Variants in RBMS1 observed in about 807,000 individuals in gnomAD.
The protein encoded by RBMS1 is RNA-binding motif, single-stranded-interacting protein 1.
Under a neutral mutation model 62.3 loss-of-function variants are expected in RBMS1, and 17 were observed. The observed-to-expected ratio is 0.27, with a 90% CI of 0.19 to 0.41. The LOEUF (loss-of-function observed/expected upper bound fraction) is 0.41. Ranked by LOEUF, RBMS1 falls within the 10% of genes least tolerant of loss-of-function variation. RBMS1 has a pLI of 1.00. For missense variants in RBMS1, 334 were observed against 504.5 expected (o/e 0.66, Z 3.24); for synonymous variants, 172 against 170.0 (o/e 1.01, Z -0.09).
At chr2:160,423,385 G>A (rs1696513662) in intron 1 of RBMS1, among the ~76,000 whole-genome samples, 1 of 147,696 alleles carries the variant, frequency 6.8e-6, no homozygotes, top group South Asian at 2.2e-4. Context: ...GTGGGGGGGA[G>A]GGAAATGATT....
intron 7 of RBMS1, 40 bp downstream of exon 7, chr2:160,286,928 AC>A (rs761318214): frequency 5.2e-5 from 83 of 1,607,526 alleles, no homozygotes; most frequent in Non-Finnish European, 6.1e-5. Context: ...TCAAGATCAC[AC>A]CCCCTCCCCC....
intron 1 of RBMS1, among the ~76,000 whole-genome samples, chr2:160,380,939 T>C (rs531777679): frequency 2.6e-5 from 4 of 152,210 alleles, no homozygotes; most frequent in Non-Finnish European, 5.9e-5. Flanking sequence ...GCAAATTAAA[T>C]GAAGATAAAA....
Position 160,407,539 on chromosome 2 carries a change from G to GGGCGGC in RBMS1, c.76-40154_76-40149dup, listed in dbSNP as rs1037014283. 2.3e-5 allele frequency: 23 copies of GGGCGGC among 985,812 alleles called. No individual in the cohort carries two copies. The South Asian group carries it at 3.6e-4, about 15-fold the overall frequency. 61.1% of individuals were successfully genotyped at this position (985,812 alleles called of 1,614,324 possible). On this transcript the variant is annotated intron_variant, in intron 1 of 13. Transcript: ENST00000348849. The stretch of plus-strand genomic sequence containing the variant: ...TGCTGCTGGGGAAGATCATCGCTGC[G>GGGCGGC]GGCGGCGGCGGCGGGTGCGGGCGCG...
intron 1 of RBMS1, among the ~76,000 whole-genome samples, chr2:160,482,851 G>A (rs921738011): frequency 1.3e-5 from 2 of 152,192 alleles, no homozygotes. Flanking sequence ...GCTCATTAGG[G>A]CTCAGGCACA....
intron 1 of RBMS1, among the ~76,000 whole-genome samples, chr2:160,430,384 A>G (rs566117491): frequency 6.6e-6 from 1 of 152,338 alleles, no homozygotes; most frequent in Non-Finnish European, 1.5e-5. Context: ...TACATCCACT[A>G]TTTCCTATAG....
intron 1 of RBMS1, among the ~76,000 whole-genome samples, chr2:160,473,825 T>G (rs980920010): frequency 6.6e-6 from 1 of 152,166 alleles, no homozygotes; most frequent in Admixed American, 6.5e-5. Context: ...ATTACTTGAG[T>G]CTTTTCTTCC....
intron 1 of RBMS1, among the ~76,000 whole-genome samples, chr2:160,476,975 T>C (rs1685168543): frequency 6.6e-6 from 1 of 152,274 alleles, no homozygotes; most frequent in Non-Finnish European, 1.5e-5. Flanking sequence ...AACCTCATGC[T>C]ATGCCTTTTC....
rs571747245 is a variant in RBMS1 at position 160,389,569 on chromosome 2, A to G, written c.76-22178T>C. ...AAAAATTAGCCAGGCGGGGTGGCGCACACCTGTAGTCCCAGCTACTCAGGA... is the reference window on the plus strand; with the variant it reads ...AAAAATTAGCCAGGCGGGGTGGCGCGCACCTGTAGTCCCAGCTACTCAGGA... On this transcript the variant is annotated intron_variant, in intron 1 of 13. Transcript: ENST00000348849. Among the ~76,000 whole-genome samples the G allele has an allele frequency of 5.3e-5, 8 of 151,930 alleles. No individual in the cohort carries two copies. The South Asian group carries it at 1.7e-3, about 32-fold the overall frequency.
chr2:160,430,008 T>A (rs975554468), intron 1 of RBMS1, among the ~76,000 whole-genome samples: 1 of 152,162 alleles, frequency 6.6e-6, no homozygotes, highest in East Asian at 1.9e-4. Context: ...AGAATCCACA[T>A]GGAAAGAGAG....
At chr2:160,318,310 C>T in intron 2 of RBMS1, 83 bp from the exon 3 acceptor site, 3 of 1,428,092 alleles carry the variant, frequency 2.1e-6, no homozygotes, top group Non-Finnish European at 2.7e-6. Context: ...ATGCCTAAAT[C>T]CAAAGAACAC....
At chr2:160,339,565 G>A (rs1190960177) in intron 2 of RBMS1, among the ~76,000 whole-genome samples, 1 of 152,114 alleles carries the variant, frequency 6.6e-6, no homozygotes, top group African/African-American at 2.4e-5. Flanking sequence ...ACACAAGAGT[G>A]TATTTATTAC....
chr2:160,300,685 A>T lies in RBMS1; in HGVS notation c.606T>A (p.Asn202Lys), dbSNP rs1161315409. 6.2e-7 allele frequency: 1 copy of T among 1,603,496 alleles called. No individual in the cohort carries two copies. Among genetic ancestry groups the T allele is most frequent in the Non-Finnish European group, 8.5e-7 (1 of 1,175,976 alleles). The change falls in exon 6 of 14, where the codon AAT becomes AAA. Residue 202 changes from asparagine to lysine, a missense_variant. By Grantham distance (94) the Asn-to-Lys change is moderately conservative. Around this residue, in one of 3 missense-constraint regions of RBMS1, gnomAD observed 182 missense variants for 257.7 expected, o/e 0.71. Coordinates refer to ENST00000348849, the MANE Select transcript of RBMS1 (RefSeq NM_016836.4). ...CTGGTGGTGTCTTAATAAATTTTCC[A>T]TTAAAATGACCAATAACAGCTTCAC... ...EKCEAVIGHF[N>K]GKFIKTPPGV...
intron 2 of RBMS1, among the ~76,000 whole-genome samples, chr2:160,331,221 T>C (rs552727875): frequency 4.7e-4 from 71 of 152,228 alleles, no homozygotes; most frequent in African/African-American, 1.7e-3. Flanking sequence ...AACAAATGAA[T>C]AAAACTCCAG....
At chr2:160,477,535 T>G (rs974011079) in intron 1 of RBMS1, among the ~76,000 whole-genome samples, 1 of 151,904 alleles carries the variant, frequency 6.6e-6, no homozygotes, top group Non-Finnish European at 1.5e-5. Flanking sequence ...TCCAAGTAGC[T>G]GTGACCACAA....
At chr2:160,381,727 C>T (rs147541444) in intron 1 of RBMS1, among the ~76,000 whole-genome samples, 19 of 152,252 alleles carry the variant, frequency 1.2e-4, no homozygotes, top group Admixed American at 2.6e-4. Flanking sequence ...ACCTTTGCTA[C>T]GAATGGTATA....
At chr2:160,279,970 A>C (rs1323850766) in intron 10 of RBMS1, among the ~76,000 whole-genome samples, 1 of 152,228 alleles carries the variant, frequency 6.6e-6, no homozygotes, top group South Asian at 2.1e-4. Context: ...TGTGTCAGAG[A>C]TAATGTTTGT....
At chr2:160,291,536 A>G (rs1342013128) in intron 6 of RBMS1, among the ~76,000 whole-genome samples, 1 of 151,868 alleles carries the variant, frequency 6.6e-6, no homozygotes, top group African/African-American at 2.4e-5. Flanking sequence ...TCCTTTTCTA[A>G]CTGAATTCTG....
intron 1 of RBMS1, among the ~76,000 whole-genome samples, chr2:160,402,752 AG>A (rs1478937209): frequency 1.3e-5 from 2 of 152,172 alleles, no homozygotes; most frequent in Non-Finnish European, 2.9e-5. Flanking sequence ...CCTTGACTCC[AG>A]GGACCTAGCT....
intron 2 of RBMS1, among the ~76,000 whole-genome samples, chr2:160,348,762 AATG>A (rs1453266171): frequency 1.3e-5 from 2 of 152,160 alleles, no homozygotes; most frequent in Non-Finnish European, 1.5e-5. Context: ...ATGTAATGTG[AATG>A]ATGATAAGAA....
Sources: gnomAD v4.1 joint callset for allele counts (sites outside exome capture counted in the v4.1 genomes callset) on GRCh38, gnomAD v4.1.1 for gene constraint, gnomAD v4.1.1 regional missense constraint, MANE v1.5 for transcripts, NCBI Gene and HGNC (gene_info 2026-07-23, HGNC 2026-07-21) for gene names.